The following OTOGL variants were observed in gnomAD, a reference collection of about 807,000 sequenced individuals.
The protein encoded by OTOGL is otogelin like, also known as otogelin-like protein.
In OTOGL, 285 loss-of-function variants were observed where a neutral mutation model predicts 318.5. The observed-to-expected ratio is 0.89, with a 90% CI of 0.81 to 0.99. OTOGL has a LOEUF of 0.99. OTOGL is among the 50% of genes least tolerant of loss of function. The pLI is 0.00. For synonymous variants in OTOGL, 987 were observed against 936.5 expected (o/e 1.05, Z -0.99); for missense variants, 2,899 against 2,845.6 (o/e 1.02, Z -0.43).
At chr12:80,223,521 A>G (rs1032567533) in intron 7 of OTOGL, among the ~76,000 whole-genome samples, 3 of 152,004 alleles carry the variant, frequency 2.0e-5, no homozygotes. Context: ...TTTTCATAGT[A>G]GTTGTACTAG....
intron 1 of OTOGL, among the ~76,000 whole-genome samples, chr12:80,122,056 C>G (rs1159673897): frequency 6.6e-6 from 1 of 152,134 alleles, no homozygotes; most frequent in Non-Finnish European, 1.5e-5. Flanking sequence ...GAGGCTCAAA[C>G]TGTCTCATTT....
intron 1 of OTOGL, among the ~76,000 whole-genome samples, chr12:80,198,695 A>G (rs1024369053): frequency 1.3e-5 from 2 of 152,222 alleles, no homozygotes; most frequent in Admixed American, 6.5e-5. Context: ...GATGTTTCCT[A>G]TCTCAGTAAA....
intron 1 of OTOGL, among the ~76,000 whole-genome samples, chr12:80,141,406 G>T (rs1871936111): frequency 6.6e-6 from 1 of 152,062 alleles, no homozygotes; most frequent in Admixed American, 6.6e-5. Flanking sequence ...CAATTTTTAG[G>T]TATGGAATAT....
chr12:80,370,668 T>C lies in OTOGL; in HGVS notation c.6714T>C (p.Phe2238=). 2.5e-6 allele frequency: 4 copies of C among 1,584,366 alleles called. No individual in the cohort carries two copies. Among genetic ancestry groups the C allele is most frequent in the Non-Finnish European group, 3.4e-6 (4 of 1,161,832 alleles). Residue 2238 remains phenylalanine, a synonymous_variant, in exon 56 of 59, where the codon TTT becomes TTC. Transcript: ENST00000547103. The stretch of plus-strand genomic sequence containing the variant: ...ACTACACAATGGTCTGTCCCCCTTT[T>C]AATGAGACTGAATGCAAAATGGTTT... ...ILNYTMVCPP[F]NETECKMNEG...
At chr12:80,173,622 A>G (rs925549172) in intron 1 of OTOGL, among the ~76,000 whole-genome samples, 1 of 152,152 alleles carries the variant, frequency 6.6e-6, no homozygotes, top group African/African-American at 2.4e-5. Context: ...CTGACATCCT[A>G]TCTCATTCCA....
At chr12:80,108,766 T>C (rs937687171) in intron 1 of OTOGL, among the ~76,000 whole-genome samples, 5 of 112,914 alleles carry the variant, frequency 4.4e-5, no homozygotes, top group African/African-American at 1.4e-4. Context: ...TATATATATA[T>C]ACACGTATAT....
At chr12:80,361,203 A>G (rs1890219379) in intron 52 of OTOGL, 2 of 152,024 alleles carry the variant, frequency 1.3e-5, no homozygotes, top group African/African-American at 2.4e-5. Flanking sequence ...CAACTTTTTT[A>G]GATTCTGCAT....
chr12:80,229,437 C>A (rs1279138014), intron 8 of OTOGL, 59 bp downstream of exon 8: 2 of 1,521,158 alleles, frequency 1.3e-6, no homozygotes, highest in Middle Eastern at 2.0e-4. Context: ...AATTTCCAAA[C>A]ATCACATGCT....
At position 80,239,396 on chromosome 12, in the gene OTOGL, G is replaced by A. The variant is rs764621307; in HGVS notation, c.1009G>A (p.Asp337Asn). The change falls in exon 11 of 59, where the codon GAT (aspartate) becomes AAT (asparagine). Residue 337 changes from aspartate (D) to asparagine (N), a missense_variant. Asp to Asn is a conservative substitution (Grantham distance 23, BLOSUM62 1). Coordinates refer to ENST00000547103, the MANE Select transcript of OTOGL (RefSeq NM_001378609.3). ...TTTTCTGAGCTGCCATGAGTATATC[G>A]ATCCATACTTATATATTGCCAGCTG... The part of the protein sequence containing the change: ...FPFLSCHEYI[D>N]PYLYIASCVN... The A allele has an allele frequency of 2.7e-5, 43 of 1,608,708 alleles. No individual in the cohort carries two copies. Among genetic ancestry groups the A allele is most frequent in the South Asian group, 3.3e-5 (3 of 90,394 alleles).
At chr12:80,261,395 T>C (rs923193693) in intron 18 of OTOGL, among the ~76,000 whole-genome samples, 4 of 152,176 alleles carry the variant, frequency 2.6e-5, no homozygotes, top group Non-Finnish European at 5.9e-5. Flanking sequence ...AGTTTTAAGA[T>C]AGATGTTTTT....
At chr12:80,233,459 C>T (rs933114793) in intron 9 of OTOGL, among the ~76,000 whole-genome samples, 2 of 152,118 alleles carry the variant, frequency 1.3e-5, no homozygotes, top group Admixed American at 1.3e-4. Flanking sequence ...GTGGTTCAAA[C>T]CCATTTGGGT....
chr12:80,158,566 A>G (rs1370130711), intron 1 of OTOGL, among the ~76,000 whole-genome samples: 1 of 152,048 alleles, frequency 6.6e-6, no homozygotes, highest in Admixed American at 6.6e-5. Context: ...TTATATGTAC[A>G]TTATATATAC....
chr12:80,265,955 A>G (rs569969733), intron 20 of OTOGL: 1 of 152,762 alleles, frequency 6.5e-6, no homozygotes, highest in African/African-American at 2.4e-5. Context: ...CTTAGAGGTA[A>G]CTTTTTAATC....
chr12:80,192,860 G>A (rs1321334684), intron 1 of OTOGL, among the ~76,000 whole-genome samples: 2 of 152,052 alleles, frequency 1.3e-5, no homozygotes, highest in African/African-American at 2.4e-5. Flanking sequence ...TAAGTACCGT[G>A]AGTATATAGT....
Position 80,341,950 on chromosome 12 carries a change from A to G in OTOGL, c.5053A>G (p.Ile1685Val). 1 of 1,595,608 alleles carries G rather than the reference A, an allele frequency of 6.3e-7. No individual in the cohort carries two copies. The highest frequency in any genetic ancestry group is 8.6e-7 in the Non-Finnish European group (1 of 1,167,938). The change falls in exon 44 of 59, where the codon ATT becomes GTT. Residue 1685 changes from isoleucine to valine, a missense_variant and splice_region_variant. This residue lies in a region of OTOGL where 2,607 missense variants were observed against 2,524.9 expected (regional missense o/e 1.03). Transcript: ENST00000547103. The part of the protein sequence containing the change: ...LSSYTEGLCG[I>V]CNEDPDDDLR... ...TAACTGTCATATATTCTTTCAAGGA[A>G]TTTGCAATGAAGATCCGGATGATGA... is the stretch of plus-strand genomic sequence containing the variant.
intron 1 of OTOGL, among the ~76,000 whole-genome samples, chr12:80,152,186 G>A (rs1483505898): frequency 6.6e-6 from 1 of 152,064 alleles, no homozygotes; most frequent in Non-Finnish European, 1.5e-5. Flanking sequence ...TGTCAGAGAG[G>A]AGCACTGAAA....
At chr12:80,240,098 T>C (rs1031039906) in intron 11 of OTOGL, among the ~76,000 whole-genome samples, 22 of 152,152 alleles carry the variant, frequency 1.4e-4, no homozygotes, top group Non-Finnish European at 3.1e-4. Flanking sequence ...ATTGTGTATA[T>C]ATACCACAAT....
chr12:80,296,779 A>C (rs771632212), intron 26 of OTOGL, 48 bp from the exon 27 acceptor site: 45 of 1,246,888 alleles, frequency 3.6e-5, no homozygotes, highest in Non-Finnish European at 4.5e-5. Flanking sequence ...ACTAAAAATA[A>C]TATAGGTTGT....
rs759850830 is a variant in OTOGL at position 80,356,927 on chromosome 12, G to C, written c.6019+13G>C. ...TCCCCTTTTTGTGGTGAGTATTGTA[G>C]AGATAATTTCTTGGAAGAAGAGAAA... is the stretch of plus-strand genomic sequence containing the variant. On this transcript the variant is annotated intron_variant, in intron 49 of 58. Coordinates refer to ENST00000547103, the MANE Select transcript of OTOGL (RefSeq NM_001378609.3). The C allele has an allele frequency of 4.7e-6, 7 of 1,498,062 alleles. No individual in the cohort carries two copies. In the African/African-American group the frequency reaches 1.0e-4, roughly 22 times the overall value. 92.8% of individuals were successfully genotyped at this position (1,498,062 alleles called of 1,614,324 possible). A position where few individuals can be genotyped will look rare whatever the true frequency, so the allele number is the denominator to read the frequency against.
Sources: gnomAD v4.1 joint callset for allele counts (sites outside exome capture counted in the v4.1 genomes callset) on GRCh38, gnomAD v4.1.1 for gene constraint, gnomAD v4.1.1 regional missense constraint, MANE v1.5 for transcripts, NCBI Gene and HGNC (gene_info 2026-07-23, HGNC 2026-07-21) for gene names.